Variants in SLC6A6 observed in about 807,000 individuals in gnomAD.
SLC6A6 encodes solute carrier family 6 member 6, also known as sodium- and chloride-dependent taurine transporter.
In SLC6A6, 16 loss-of-function variants were observed where a neutral mutation model predicts 68.8. That is an observed-to-expected ratio of 0.23 (90% confidence interval 0.16 to 0.35). The LOEUF is 0.35. Ranked by LOEUF, SLC6A6 falls within the 10% of genes least tolerant of loss-of-function variation. SLC6A6 has a pLI of 1.00. For synonymous variants in SLC6A6, 312 were observed against 315.4 expected (o/e 0.99, Z 0.12); for missense variants, 474 against 802.8 (o/e 0.59, Z 4.95).
chr3:14,444,205 C>T (rs555265891), intron 3 of SLC6A6: 5 of 254,796 alleles, frequency 2.0e-5, no homozygotes, highest in Admixed American at 1.5e-4. Context: ...CTTATCTGTC[C>T]GCCATATCTA....
In SLC6A6 at chr3:14,488,855, T is replaced by C. The variant is rs1257577593; in HGVS notation, c.*3848T>C. 2.6e-5 allele frequency: 4 copies of C among 152,580 alleles called. No homozygotes were observed. Among genetic ancestry groups the C allele is most frequent in the Non-Finnish European group, 4.4e-5 (3 of 68,028 alleles). The allele number at this position is 152,580 out of a possible 1,614,324, so 9.5% of individuals were successfully genotyped here. ...ACTACAGACATGTTCTGGCGTGTTC[T>C]CCGAGGGATGGAGCATCCTGTTATA... On this transcript the variant is annotated 3_prime_UTR_variant, in exon 15 of 15. Transcript: ENST00000622186.
At chr3:14,420,974 G>C (rs1699472525) in intron 2 of SLC6A6, among the ~76,000 whole-genome samples, 1 of 152,224 alleles carries the variant, frequency 6.6e-6, no homozygotes, top group African/African-American at 2.4e-5. Context: ...GTCTAAGCAA[G>C]AAGTGGGCTT....
In SLC6A6 at chr3:14,416,603, C is replaced by G. The variant is rs116223968; in HGVS notation, c.-12+150C>G. 6.9e-3 allele frequency: 2,748 copies of G among 395,604 alleles called. 60 individuals carry two copies. The highest frequency in any genetic ancestry group is 0.051 in the African/African-American group (2,478 of 48,684). The allele number at this position is 395,604 out of a possible 1,614,324, so 24.5% of individuals were successfully genotyped here. A position where few individuals can be genotyped will look rare whatever the true frequency, so the allele number is the denominator to read the frequency against. ...CCCACAGACCTTGTCCACACCTCAC[C>G]TCCAGGTGGCAGATCCCCTGGCCTG... On this transcript the variant is annotated intron_variant, in intron 2 of 14. Coordinates refer to ENST00000622186, the MANE Select transcript of SLC6A6 (RefSeq NM_003043.6).
At chr3:14,404,116 G>T (rs1559279701) in intron 1 of SLC6A6, among the ~76,000 whole-genome samples, 1 of 152,214 alleles carries the variant, frequency 6.6e-6, no homozygotes, top group South Asian at 2.1e-4. Context: ...CACTAAATTG[G>T]CCCCCGCTTT....
chr3:14,480,090 G>A (rs1423381547), intron 13 of SLC6A6, among the ~76,000 whole-genome samples: 2 of 152,176 alleles, frequency 1.3e-5, no homozygotes, highest in East Asian at 1.9e-4. Flanking sequence ...TTCCCTCTGT[G>A]AGCCTCAGTT....
chr3:14,471,141 T>A (rs1700742574), intron 9 of SLC6A6, among the ~76,000 whole-genome samples: 1 of 150,542 alleles, frequency 6.6e-6, no homozygotes. Flanking sequence ...TTTTTTTTTT[T>A]TTTTTTTTTT....
chr3:14,440,722 C>G (rs990479580), intron 2 of SLC6A6, among the ~76,000 whole-genome samples: 2 of 152,098 alleles, frequency 1.3e-5, no homozygotes, highest in Admixed American at 6.5e-5. Context: ...CGATAGAGAG[C>G]TGTGGGTGGA....
At chr3:14,475,126 G>T (rs561289179) in intron 10 of SLC6A6, among the ~76,000 whole-genome samples, 27 of 152,360 alleles carry the variant, frequency 1.8e-4, no homozygotes, top group African/African-American at 5.3e-4. Context: ...CTGCCTCCTG[G>T]GTTCAAGTGA....
chr3:14,423,199 G>GGT (rs1267939433), intron 2 of SLC6A6, among the ~76,000 whole-genome samples: 2 of 152,218 alleles, frequency 1.3e-5, no homozygotes, highest in Non-Finnish European at 2.9e-5. Context: ...GCAGGCAAGA[G>GGT]GTGTCTTCTG....
chr3:14,453,053 C>A (rs747648791), intron 5 of SLC6A6, among the ~76,000 whole-genome samples: 1 of 152,240 alleles, frequency 6.6e-6, no homozygotes, highest in African/African-American at 2.4e-5. Flanking sequence ...AAAGAGGAGG[C>A]GGTGGAGAAA....
At position 14,474,701 on chromosome 3, in the gene SLC6A6, T is replaced by C. The variant is rs550834914; in HGVS notation, c.1209+2384T>C. Among the ~76,000 whole-genome samples, 5 of 152,374 alleles carry C rather than the reference T, an allele frequency of 3.3e-5. No homozygotes were observed. In the East Asian group the frequency reaches 5.8e-4, roughly 18 times the overall value. ...TCCACACAGCTAGTGAAGGGCTTGA[T>C]ACCAGGTCTGCCTGTCTGCAGAAAC... On this transcript the variant is annotated intron_variant, in intron 10 of 14. Transcript: ENST00000622186.
At chr3:14,438,334 T>C (rs1699906575) in intron 2 of SLC6A6, among the ~76,000 whole-genome samples, 1 of 152,180 alleles carries the variant, frequency 6.6e-6, no homozygotes, top group Non-Finnish European at 1.5e-5. Context: ...CCTCATTTTT[T>C]ACCAGTGAGG....
At chr3:14,476,046 C>T (rs554760481) in intron 10 of SLC6A6, among the ~76,000 whole-genome samples, 6 of 152,322 alleles carry the variant, frequency 3.9e-5, no homozygotes, top group East Asian at 1.9e-4. Context: ...CCAAAAGCCT[C>T]GTTCAGATGA....
rs914443233 is a variant in SLC6A6 at position 14,481,540 on chromosome 3, T to G, written c.1552-131T>G. The G allele has an allele frequency of 5.6e-5, 35 of 624,220 alleles. No homozygotes were observed. Among genetic ancestry groups the G allele is most frequent in the Middle Eastern group, 3.5e-4 (1 of 2,832 alleles). The allele number at this position is 624,220 out of a possible 1,614,324, so 38.7% of individuals were successfully genotyped here. A position where few individuals can be genotyped will look rare whatever the true frequency, so the allele number is the denominator to read the frequency against. On this transcript the variant is annotated intron_variant, in intron 13 of 14. Transcript: ENST00000622186. The surrounding 1 kb of genome is among the most constrained non-coding windows in gnomAD (Gnocchi z 4.7). ...GGATCCTTATGGCAGCAGAGAGGGG[T>G]GTGAGTTCTGAGCCAGTCCTTTCCC... is the stretch of plus-strand genomic sequence containing the variant.
Position 14,468,815 on chromosome 3 carries a change from C to T in SLC6A6, c.1096+603C>T, listed in dbSNP as rs1229404731. ...GGGTTGTAAGCACAGTGTCGCCCCT[C>T]GGGGTGTGGGCCCTGTTGACCAGGC... On this transcript the variant is annotated intron_variant, in intron 9 of 14. Transcript: ENST00000622186. The surrounding 1 kb of genome is among the most constrained non-coding windows in gnomAD (Gnocchi z 4.5). 3.9e-5 allele frequency among the ~76,000 whole-genome samples: 6 copies of T among 152,080 alleles called. No individual in the cohort carries two copies. Among genetic ancestry groups the T allele is most frequent in the South Asian group, 4.1e-4 (2 of 4,832 alleles).
At chr3:14,434,959 G>C (rs1574928016) in intron 2 of SLC6A6, among the ~76,000 whole-genome samples, 1 of 152,226 alleles carries the variant, frequency 6.6e-6, no homozygotes, top group African/African-American at 2.4e-5. Context: ...ATGTTTTTAT[G>C]AGGGGAAGGT....
chr3:14,483,440 G>T (rs543735283), intron 14 of SLC6A6, among the ~76,000 whole-genome samples: 132 of 152,336 alleles, frequency 8.7e-4, no homozygotes, highest in Non-Finnish European at 1.8e-3. Context: ...TTCCAGCTCT[G>T]CCTGAGCCTC....
At chr3:14,440,715 TAGAG>T (rs958535028) in intron 2 of SLC6A6, among the ~76,000 whole-genome samples, 3 of 152,078 alleles carry the variant, frequency 2.0e-5, no homozygotes, top group Non-Finnish European at 2.9e-5. Context: ...GCCATGGCGA[TAGAG>T]AGCTGTGGGT....
At chr3:14,438,416 G>A (rs993297340) in intron 2 of SLC6A6, among the ~76,000 whole-genome samples, 4 of 152,160 alleles carry the variant, frequency 2.6e-5, no homozygotes, top group African/African-American at 9.7e-5. Context: ...CCCAGAATCT[G>A]GCTCTGGAAT....
Sources: gnomAD v4.1 joint callset for allele counts (sites outside exome capture counted in the v4.1 genomes callset) on GRCh38, gnomAD v4.1.1 for gene constraint, Gnocchi (gnomAD v3.1) non-coding constraint, MANE v1.5 for transcripts, NCBI Gene and HGNC (gene_info 2026-07-23, HGNC 2026-07-21) for gene names.